Variants in THSD7B observed in about 807,000 individuals in gnomAD.
THSD7B encodes the protein thrombospondin type-1 domain-containing protein 7B.
In THSD7B, 138 loss-of-function variants were observed where a neutral mutation model predicts 213.6. The observed-to-expected ratio is 0.65, with a 90% CI of 0.56 to 0.74. The LOEUF (loss-of-function observed/expected upper bound fraction) is 0.74. Among genes scored for constraint, THSD7B ranks in the 30% least tolerant of loss-of-function variants. The pLI is 0.00. For missense variants in THSD7B, 1,931 were observed against 1,991.5 expected, an observed-to-expected ratio of 0.97 and a Z score of 0.58; for synonymous variants, 742 against 687.0, an observed-to-expected ratio of 1.08 and a Z score of -1.25.
intron 12 of THSD7B, among the ~76,000 whole-genome samples, chr2:137,317,156 T>G (rs920591070): frequency 6.6e-6 from 1 of 152,190 alleles, no homozygotes; most frequent in African/African-American, 2.4e-5. Flanking sequence ...TTCTTTTATC[T>G]TTGTTCAGGT....
intron 11 of THSD7B, among the ~76,000 whole-genome samples, chr2:137,273,684 A>C (rs1682803413): frequency 6.6e-6 from 1 of 152,104 alleles, no homozygotes; most frequent in Admixed American, 6.6e-5. Context: ...TATTGATTTT[A>C]TCATCCTTTA....
At chr2:136,970,293 A>G (rs542625) in intron 2 of THSD7B, among the ~76,000 whole-genome samples, 132,984 of 151,784 alleles carry the variant, frequency 0.88, 58,321 homozygotes, top group Admixed American at 0.9. Flanking sequence ...GAGAAACCCC[A>G]TCTCTACTAA....
chr2:136,902,110 T>G (rs539225889), intron 2 of THSD7B, among the ~76,000 whole-genome samples: 231 of 152,266 alleles, frequency 1.5e-3, no homozygotes, highest in African/African-American at 5.3e-3. Context: ...ATGCTTGAAT[T>G]TAATGGTGCC....
intron 11 of THSD7B, 133 bp downstream of exon 11, chr2:137,272,795 T>A: frequency 1.0e-6 from 1 of 976,228 alleles, no homozygotes; most frequent in Non-Finnish European, 1.5e-6. Context: ...TCAAATACTT[T>A]AATATTCTTA....
intron 14 of THSD7B, among the ~76,000 whole-genome samples, chr2:137,436,241 AC>A (rs1280619250): frequency 6.6e-6 from 1 of 152,122 alleles, no homozygotes; most frequent in Non-Finnish European, 1.5e-5. Flanking sequence ...ATGGTAACTG[AC>A]ATTTATTGAG....
chr2:137,143,561 C>A (rs1446579031), intron 5 of THSD7B, among the ~76,000 whole-genome samples: 1 of 152,146 alleles, frequency 6.6e-6, no homozygotes, highest in African/African-American at 2.4e-5. Context: ...AGAATGTGTT[C>A]TTTCCTTTTA....
At chr2:137,602,644 C>T (rs994491538) in intron 17 of THSD7B, among the ~76,000 whole-genome samples, 1 of 152,170 alleles carries the variant, frequency 6.6e-6, no homozygotes, top group Non-Finnish European at 1.5e-5. Flanking sequence ...CTACGTGCAT[C>T]ATCCCAAGGT....
chr2:137,004,348 A>ACAC (rs1558883738), intron 2 of THSD7B, among the ~76,000 whole-genome samples: 5 of 105,910 alleles, frequency 4.7e-5, no homozygotes, highest in African/African-American at 1.0e-4. Flanking sequence ...CACACACACA[A>ACAC]ACTTATTCCA....
rs941276041 is a variant in THSD7B at position 137,572,709 on chromosome 2, G to GA, written c.3423+162dup. ...TGAGAAATCCAAAGAAAGAAAAAAA[G>GA]AAAAAAAAAGTCTGCAAGCAAGACT... On this transcript the variant is annotated intron_variant, in intron 17 of 27. Transcript: ENST00000409968. Among the ~76,000 whole-genome samples, 10 of 150,218 alleles carry GA rather than the reference G, an allele frequency of 6.7e-5. No homozygotes were observed. The Middle Eastern group carries it at 0.014, about 204-fold the overall frequency.
chr2:137,355,451 C>A (rs563449552), intron 12 of THSD7B, among the ~76,000 whole-genome samples: 1 of 152,172 alleles, frequency 6.6e-6, no homozygotes, highest in South Asian at 2.1e-4. Context: ...TGTAAAGATA[C>A]GTCGTAACAC....
chr2:136,933,086 T>C (rs1684657650), intron 2 of THSD7B, among the ~76,000 whole-genome samples: 1 of 146,838 alleles, frequency 6.8e-6, no homozygotes, highest in South Asian at 2.2e-4. Flanking sequence ...TCTGCATTTG[T>C]AGATTATATA....
intron 12 of THSD7B, among the ~76,000 whole-genome samples, chr2:137,397,320 G>A (rs1166005402): frequency 6.6e-6 from 1 of 152,100 alleles, no homozygotes; most frequent in Non-Finnish European, 1.5e-5. Context: ...TCCTTTCCAT[G>A]TTTAGCGCTT....
intron 6 of THSD7B, among the ~76,000 whole-genome samples, chr2:137,164,160 G>A (rs1029766796): frequency 4.6e-5 from 7 of 152,134 alleles, no homozygotes; most frequent in Admixed American, 3.9e-4. Flanking sequence ...GGCTGCAGTT[G>A]TGGGAGGGCA....
chr2:136,891,844 C>CAATTTTGTT (rs571701588), intron 2 of THSD7B, among the ~76,000 whole-genome samples: 48 of 152,264 alleles, frequency 3.2e-4, no homozygotes, highest in South Asian at 2.9e-3. Context: ...AGTAACACAC[C>CAATTTTGTT]AATTTTGTTC....
chr2:137,455,537 C>T (rs1003346212), intron 15 of THSD7B, among the ~76,000 whole-genome samples: 1 of 152,158 alleles, frequency 6.6e-6, no homozygotes, highest in African/African-American at 2.4e-5. Context: ...ATAAAAGCCT[C>T]CTTTTTAAAC....
intron 1 of THSD7B, among the ~76,000 whole-genome samples, chr2:136,793,709 A>T (rs866332639): frequency 6.6e-6 from 1 of 151,886 alleles, no homozygotes; most frequent in South Asian, 2.1e-4. Flanking sequence ...ATCTTTGTTT[A>T]TGAGGAATAA....
chr2:136,802,479 G>A (rs1344492527), intron 1 of THSD7B, among the ~76,000 whole-genome samples: 3 of 151,474 alleles, frequency 2.0e-5, no homozygotes, highest in Admixed American at 6.6e-5. Flanking sequence ...AATAAAAAGT[G>A]TGTGCTTCTC....
At chr2:137,109,073 C>T (rs1017198910) in intron 4 of THSD7B, among the ~76,000 whole-genome samples, 1 of 152,090 alleles carries the variant, frequency 6.6e-6, no homozygotes, top group Non-Finnish European at 1.5e-5. Flanking sequence ...AAATATATCC[C>T]GAATCTAATC....
At chr2:137,607,755 C>T (rs934743837) in intron 17 of THSD7B, among the ~76,000 whole-genome samples, 7 of 152,112 alleles carry the variant, frequency 4.6e-5, no homozygotes, top group African/African-American at 1.2e-4. Flanking sequence ...GTGACAGCCT[C>T]GATTTCTGTG....
Sources: gnomAD v4.1 joint callset for allele counts (sites outside exome capture counted in the v4.1 genomes callset) on GRCh38, gnomAD v4.1.1 for gene constraint, MANE v1.5 for transcripts, NCBI Gene and HGNC (gene_info 2026-07-23, HGNC 2026-07-21) for gene names.